Variants in PTPRT observed in about 807,000 individuals in gnomAD.
PTPRT encodes receptor-type tyrosine-protein phosphatase T.
PTPRT carries 56 observed loss-of-function variants against 176.8 expected under a neutral mutation model. The ratio of observed to expected loss-of-function variants is 0.32; its 90% confidence interval spans 0.26 to 0.40. The LOEUF (loss-of-function observed/expected upper bound fraction) is 0.40, where lower values mean the gene tolerates loss of function less well. PTPRT is among the 10% of genes least tolerant of loss of function. The pLI is 1.00. For missense variants in PTPRT, 1,540 were observed against 1,908.2 expected (o/e 0.81, Z 3.60); for synonymous variants, 783 against 739.0 (o/e 1.06, Z -0.96).
At chr20:42,522,082 C>T (rs189205707) in intron 7 of PTPRT, among the ~76,000 whole-genome samples, 9 of 150,942 alleles carry the variant, frequency 6.0e-5, no homozygotes, top group Admixed American at 4.0e-4. Flanking sequence ...TGTGCCTTTG[C>T]TTTGGGTTTC....
chr20:42,133,680 A>G (rs1165099751), intron 18 of PTPRT, among the ~76,000 whole-genome samples: 1 of 152,200 alleles, frequency 6.6e-6, no homozygotes, highest in East Asian at 1.9e-4. Flanking sequence ...ACCTGAATAA[A>G]CTATGGACTT....
intron 7 of PTPRT, among the ~76,000 whole-genome samples, chr20:42,660,154 T>C (rs1346599432): frequency 6.6e-6 from 1 of 152,224 alleles, no homozygotes; most frequent in Non-Finnish European, 1.5e-5. Context: ...CAGGTGGTGC[T>C]GGCCACGTGG....
the PTPRT span, among the ~76,000 whole-genome samples, chr20:42,037,294 TC>T: frequency 6.6e-6 from 1 of 152,204 alleles, no homozygotes; most frequent in Non-Finnish European, 1.5e-5. Flanking sequence ...TGACAGCCCA[TC>T]CTGTGGTTGG....
intron 12 of PTPRT, among the ~76,000 whole-genome samples, chr20:42,312,802 CTT>C (rs11482597): frequency 0.49 from 54,341 of 111,782 alleles, 13,024 homozygotes; most frequent in Non-Finnish European, 0.54. Flanking sequence ...GAGTGAGATC[CTT>C]TTTTTTTTTT....
At position 42,080,827 on chromosome 20, in the gene PTPRT, G is replaced by T; in HGVS notation, c.*52C>A. ...CAGTTACTGCCATTCACACAAAAGGGGGCTTGGTCACAGCAGCCTCTGGAC... is the reference window on the plus strand; with the variant it reads ...CAGTTACTGCCATTCACACAAAAGGTGGCTTGGTCACAGCAGCCTCTGGAC... On this transcript the variant is annotated 3_prime_UTR_variant, in exon 31 of 31. Coordinates refer to ENST00000373187, the MANE Select transcript of PTPRT (RefSeq NM_007050.6). 6.5e-7 allele frequency: 1 copy of T among 1,545,644 alleles called. No individual in the cohort carries two copies. Among genetic ancestry groups the T allele is most frequent in the Non-Finnish European group, 8.9e-7 (1 of 1,120,290 alleles).
chr20:42,161,290 C>A (rs1161721070), intron 17 of PTPRT, 62 bp downstream of exon 17: 3 of 1,592,858 alleles, frequency 1.9e-6, no homozygotes, highest in Non-Finnish European at 2.6e-6. Context: ...TGTAGCAAGG[C>A]TTTAGTGCCC....
chr20:42,327,186 T>G (rs2057896422), intron 11 of PTPRT, among the ~76,000 whole-genome samples: 1 of 151,770 alleles, frequency 6.6e-6, no homozygotes, highest in African/African-American at 2.4e-5. Context: ...AAAGAAAATT[T>G]TATCACTTAG....
Position 43,189,276 on chromosome 20 carries a change from G to T in PTPRT, c.88+370C>A, listed in dbSNP as rs1417146992. Among the ~76,000 whole-genome samples the T allele has an allele frequency of 6.6e-6, 1 of 152,190 alleles. No homozygotes were observed. Among genetic ancestry groups the T allele is most frequent in the Non-Finnish European group, 1.5e-5 (1 of 68,040 alleles). On this transcript the variant is annotated intron_variant, in intron 1 of 30. Transcript: ENST00000373187. The surrounding 1 kb of genome is among the most constrained non-coding windows in gnomAD (Gnocchi z 5.0). Reference sequence around the variant, plus strand: ...CCCGGGAGAGAACGCTCCACCCCGGGCGTCGGTGCCGCTCCTCGTCTCGCC... The same window carrying T: ...CCCGGGAGAGAACGCTCCACCCCGGTCGTCGGTGCCGCTCCTCGTCTCGCC...
At chr20:42,742,145 T>G (rs973263) in intron 6 of PTPRT, among the ~76,000 whole-genome samples, 2 of 151,460 alleles carry the variant, frequency 1.3e-5, no homozygotes, top group Admixed American at 1.3e-4. Context: ...TGTGGGTAGA[T>G]ACAATCAGCT....
chr20:42,417,804 C>G (rs748537413), intron 9 of PTPRT, among the ~76,000 whole-genome samples: 2 of 151,772 alleles, frequency 1.3e-5, no homozygotes, highest in Non-Finnish European at 2.9e-5. Context: ...GTGTCATGAT[C>G]ATAGCTCATT....
At chr20:42,233,822 G>T (rs2056184232) in intron 15 of PTPRT, among the ~76,000 whole-genome samples, 1 of 152,168 alleles carries the variant, frequency 6.6e-6, no homozygotes, top group Non-Finnish European at 1.5e-5. Flanking sequence ...TCCCACTGCT[G>T]GTATGAGCTT....
intron 2 of PTPRT, among the ~76,000 whole-genome samples, chr20:42,794,352 G>T (rs1431127298): frequency 6.6e-6 from 1 of 152,116 alleles, no homozygotes; most frequent in Non-Finnish European, 1.5e-5. Context: ...CTCAAAGACT[G>T]GTCCTTGGAC....
intron 14 of PTPRT, among the ~76,000 whole-genome samples, chr20:42,246,194 A>C (rs1404631736): frequency 6.6e-6 from 1 of 152,124 alleles, no homozygotes; most frequent in Non-Finnish European, 1.5e-5. Flanking sequence ...GAAGAGGTAC[A>C]CAGAATTTCG....
At chr20:42,918,903 A>G (rs1978964917) in intron 1 of PTPRT, among the ~76,000 whole-genome samples, 1 of 152,146 alleles carries the variant, frequency 6.6e-6, no homozygotes, top group African/African-American at 2.4e-5. Context: ...TCCCTCTTCT[A>G]GTTTCTTTCC....
At chr20:42,639,998 A>G (rs2074703489) in intron 7 of PTPRT, among the ~76,000 whole-genome samples, 1 of 152,092 alleles carries the variant, frequency 6.6e-6, no homozygotes, top group African/African-American at 2.4e-5. Flanking sequence ...GCAGCTATGG[A>G]CCTATATGAT....
chr20:42,333,612 G>A (rs1374567834), intron 11 of PTPRT, among the ~76,000 whole-genome samples: 3 of 151,928 alleles, frequency 2.0e-5, no homozygotes, highest in African/African-American at 7.3e-5. Flanking sequence ...GATTAGAGGC[G>A]TGAACCACTG....
At chr20:42,851,563 G>C (rs955601768) in intron 2 of PTPRT, among the ~76,000 whole-genome samples, 1 of 152,128 alleles carries the variant, frequency 6.6e-6, no homozygotes, top group African/African-American at 2.4e-5. Flanking sequence ...CCCAACCATA[G>C]AGAATAAGAT....
intron 1 of PTPRT, among the ~76,000 whole-genome samples, chr20:42,933,951 A>AT (rs1980022553): frequency 6.6e-6 from 1 of 152,226 alleles, no homozygotes; most frequent in African/African-American, 2.4e-5. Context: ...ATCCTATGCA[A>AT]TTTTTCAGAG....
chr20:43,186,286 A>C (rs1477690740), intron 1 of PTPRT, among the ~76,000 whole-genome samples: 1 of 152,230 alleles, frequency 6.6e-6, no homozygotes, highest in East Asian at 1.9e-4. Context: ...TCAGATGCCA[A>C]AGCTCATACT....
Sources: gnomAD v4.1 joint callset for allele counts (sites outside exome capture counted in the v4.1 genomes callset) on GRCh38, gnomAD v4.1.1 for gene constraint, Gnocchi (gnomAD v3.1) non-coding constraint, MANE v1.5 for transcripts, NCBI Gene and HGNC (gene_info 2026-07-23, HGNC 2026-07-21) for gene names.